The following ADSL variants were observed in gnomAD, a reference collection of about 807,000 sequenced individuals.
The protein encoded by ADSL is adenylosuccinate lyase, also known as adenylosuccinase.
Under a neutral mutation model 62.1 loss-of-function variants are expected in ADSL, and 44 were observed. The observed-to-expected ratio is 0.71, with a 90% CI of 0.56 to 0.91. ADSL has a LOEUF of 0.91. ADSL is among the 40% of genes least tolerant of loss of function. The pLI is 0.00. For synonymous variants in ADSL, 198 were observed against 220.5 expected, an observed-to-expected ratio of 0.90 and a Z score of 0.90; for missense variants, 531 against 627.4, an observed-to-expected ratio of 0.85 and a Z score of 1.64.
At position 40,346,525 on chromosome 22, in the gene ADSL, G is replaced by T; in HGVS notation, c.-34G>T. The T allele has an allele frequency of 6.3e-7, 1 of 1,588,460 alleles. No homozygotes were observed. Among genetic ancestry groups the T allele is most frequent in the South Asian group, 1.1e-5 (1 of 88,260 alleles). ...AGGTTTCCGCTTCCGCTCTTCCCTG[G>T]TCCAGTCCACCCTGGCGGGGTCGCA... On this transcript the variant is annotated 5_prime_UTR_variant, in exon 1 of 13. Transcript: ENST00000623063.
chr22:40,355,267 C>T (rs1036186472), intron 4 of ADSL, among the ~76,000 whole-genome samples: 13 of 152,080 alleles, frequency 8.5e-5, no homozygotes, highest in Admixed American at 7.9e-4. Context: ...CTCAGCCTTC[C>T]TAGTAGCTGG....
At position 40,358,873 on chromosome 22, in the gene ADSL, G is replaced by A; in HGVS notation, c.492G>A (p.Gln164=). ...CTCTTTGGGTTTTCAGGCCTGCACA[G>A]CTGACCACAGTTGGGAAACGTTGCT... is the stretch of plus-strand genomic sequence containing the variant. The part of the protein sequence containing the change: ...TLGFTHFQPA[Q]LTTVGKRCCL... The change falls in exon 5 of 13, where the codon CAG becomes CAA. Residue 164 remains glutamine (Q), a synonymous_variant. Coordinates refer to ENST00000623063, the MANE Select transcript of ADSL (RefSeq NM_000026.4). 1 of 1,614,174 alleles carries A rather than the reference G, an allele frequency of 6.2e-7. No individual in the cohort carries two copies. Among genetic ancestry groups the A allele is most frequent in the African/African-American group, 1.3e-5 (1 of 75,046 alleles).
At chr22:40,385,614 A>G (rs538773010) in intron 2 of ADSL, among the ~76,000 whole-genome samples, 3 of 152,334 alleles carry the variant, frequency 2.0e-5, no homozygotes, top group Admixed American at 2.0e-4. Context: ...GCTTAAGTCT[A>G]ATAAGCTGAG....
At chr22:40,352,842 A>G (rs759784453) in intron 2 of ADSL, among the ~76,000 whole-genome samples, 2 of 152,170 alleles carry the variant, frequency 1.3e-5, no homozygotes, top group African/African-American at 2.4e-5. Flanking sequence ...TTATAAGTAT[A>G]AAGGTTTTGT....
intron 2 of ADSL, among the ~76,000 whole-genome samples, chr22:40,383,629 T>C (rs975069820): frequency 1.3e-5 from 2 of 151,854 alleles, no homozygotes; most frequent in Non-Finnish European, 2.9e-5. Context: ...ACAATATAAA[T>C]AAAGGCACAG....
chr22:40,357,864 C>T (rs1288626607), intron 4 of ADSL, among the ~76,000 whole-genome samples: 2 of 151,918 alleles, frequency 1.3e-5, no homozygotes, highest in African/African-American at 4.8e-5. Flanking sequence ...CTCTGCCTCT[C>T]AGGTTCGAGT....
At chr22:40,350,578 A>G (rs2044308129) in intron 2 of ADSL, among the ~76,000 whole-genome samples, 1 of 152,182 alleles carries the variant, frequency 6.6e-6, no homozygotes, top group South Asian at 2.1e-4. Flanking sequence ...GATGTAAGCC[A>G]AGGCCTTAGC....
chr22:40,346,789 G>T, intron 1 of ADSL, 78 bp downstream of exon 1: 1 of 1,459,236 alleles, frequency 6.9e-7, no homozygotes, highest in Non-Finnish European at 9.2e-7. Flanking sequence ...GTTCCGGGCT[G>T]GGCTTAGCCA....
rs577569310 is a variant in ADSL at position 40,378,013 on chromosome 22, T to C, written c.89+11515T>C. On this transcript the variant is annotated intron_variant, in intron 2 of 2. Coordinates refer to the ADSL transcript ENST00000498234. ...ACTAGCAAACAGATTTCTGCCCACG[T>C]TAAAGCCTAAGGCAGGGCTATCCAC... 1.4e-4 allele frequency among the ~76,000 whole-genome samples: 22 copies of C among 152,298 alleles called. No homozygotes were observed. The East Asian group carries it at 3.5e-3, about 24-fold the overall frequency.
intron 2 of ADSL, among the ~76,000 whole-genome samples, chr22:40,384,463 CAAAAATTAAAA>C (rs1354787868): frequency 1.3e-5 from 2 of 152,080 alleles, no homozygotes; most frequent in South Asian, 4.2e-4. Flanking sequence ...AATAAATAAA[CAAAAATTAAAA>C]AAAAATTAAA....
At chr22:40,377,447 C>G (rs1233206886) in intron 2 of ADSL, among the ~76,000 whole-genome samples, 2 of 152,184 alleles carry the variant, frequency 1.3e-5, no homozygotes, top group African/African-American at 4.8e-5. Context: ...CCAATACATT[C>G]CTGTCTTTCA....
At chr22:40,380,403 G>A (rs1321337208) in intron 2 of ADSL, among the ~76,000 whole-genome samples, 1 of 135,098 alleles carries the variant, frequency 7.4e-6, no homozygotes, top group African/African-American at 2.8e-5. Flanking sequence ...GTCTCACTCT[G>A]TCACCCAGGC....
chr22:40,353,079 A>G lies in ADSL; in HGVS notation c.364A>G (p.Ile122Val). The G allele has an allele frequency of 6.2e-7, 1 of 1,613,622 alleles. No individual in the cohort carries two copies. The highest frequency in any genetic ancestry group is 1.7e-5 in the Admixed American group (1 of 60,006). ...ATTGCATTTTCTTTCGTAGGACTTG[A>G]TTATTCTTAGAAATGCACTTGACCT... is the stretch of plus-strand genomic sequence containing the variant. ...SCYVGDNTDL[I>V]ILRNALDLLL... Residue 122 changes from isoleucine to valine, a missense_variant, in exon 3 of 13, where the codon ATT becomes GTT. Around this residue, in one of 2 missense-constraint regions of ADSL, gnomAD observed 471 missense variants for 592.9 expected, o/e 0.79. Transcript: ENST00000623063.
intron 2 of ADSL, among the ~76,000 whole-genome samples, chr22:40,375,090 G>A (rs1368397916): frequency 1.3e-5 from 2 of 152,096 alleles, no homozygotes; most frequent in Non-Finnish European, 2.9e-5. Flanking sequence ...CCTCTTTTCA[G>A]TAGGCACAGT....
intron 2 of ADSL, among the ~76,000 whole-genome samples, chr22:40,376,870 A>T (rs1020630660): frequency 6.6e-6 from 1 of 152,202 alleles, no homozygotes; most frequent in East Asian, 1.9e-4. Context: ...ACAAGCATTT[A>T]CGGTATTAAG....
chr22:40,356,338 C>G (rs1251277536), intron 4 of ADSL, among the ~76,000 whole-genome samples: 1 of 151,872 alleles, frequency 6.6e-6, no homozygotes, highest in Non-Finnish European at 1.5e-5. Context: ...AAATCAAGAC[C>G]AGCTTGGCCA....
Position 40,366,615 on chromosome 22 carries a change from C to T in ADSL, c.*93C>T, listed in dbSNP as rs527301241. 977 of 918,924 alleles carry T rather than the reference C, an allele frequency of 1.1e-3. 3 individuals are homozygous for T. The highest frequency in any genetic ancestry group is 3.3e-3 in the Middle Eastern group (14 of 4,302). The allele number at this position is 918,924 out of a possible 1,614,324, so 56.9% of individuals were successfully genotyped here. A position where few individuals can be genotyped will look rare whatever the true frequency, so the allele number is the denominator to read the frequency against. On this transcript the variant is annotated 3_prime_UTR_variant, in exon 13 of 13. Coordinates refer to ENST00000623063, the MANE Select transcript of ADSL (RefSeq NM_000026.4). ...CCTTATTTTACCTCGAGAATTGTTA[C>T]CTTAAATTAGTACAGCACTTTCTTC...
downstream of ADSL, chr22:40,370,792 T>A (rs1032269964): frequency 6.6e-6 from 1 of 151,972 alleles, no homozygotes; most frequent in African/African-American, 2.4e-5. Context: ...CCGAGGGTCG[T>A]ATGGGCCGAA....
chr22:40,362,188 G>T lies in ADSL; in HGVS notation c.1010+553G>T, dbSNP rs547282754. Among the ~76,000 whole-genome samples, 94 of 152,322 alleles carry T rather than the reference G, an allele frequency of 6.2e-4. 4 individuals are homozygous for T. The South Asian group carries it at 0.019, about 31-fold the overall frequency. On this transcript the variant is annotated intron_variant, in intron 9 of 12. Transcript: ENST00000623063. ...GTAACTACTGTTGAGGTGCCAACAT[G>T]CGCATCATTTTCTGTTTTATGTATA...
Sources: allele counts gnomAD v4.1 joint callset (sites outside exome capture counted in the v4.1 genomes callset), GRCh38; gene constraint gnomAD v4.1.1; regional missense constraint gnomAD v4.1.1; transcripts MANE v1.5; gene names NCBI Gene and HGNC (gene_info 2026-07-23, HGNC 2026-07-21).